Variants in PRUNE2 observed in about 807,000 individuals in gnomAD.
PRUNE2 encodes the protein protein prune homolog 2.
A neutral mutation model predicts 252.0 loss-of-function variants in PRUNE2; 164 were observed. The observed-to-expected ratio is 0.65, with a 90% CI of 0.57 to 0.74. The LOEUF is 0.74. PRUNE2 is among the 30% of genes least tolerant of loss of function. PRUNE2 has a pLI of 0.00. For synonymous variants in PRUNE2, 1,292 were observed against 1,350.2 expected, an observed-to-expected ratio of 0.96 and a Z score of 0.94; for missense variants, 3,495 against 3,711.0, an observed-to-expected ratio of 0.94 and a Z score of 1.51.
chr9:76,779,926 T>C (rs2054189368), intron 6 of PRUNE2: 1 of 152,228 alleles, frequency 6.6e-6, no homozygotes. Context: ...GCATAAGGGC[T>C]GCTGGTAAAA....
At chr9:76,801,485 C>T (rs537518379) in intron 6 of PRUNE2, among the ~76,000 whole-genome samples, 11 of 151,724 alleles carry the variant, frequency 7.3e-5, no homozygotes, top group African/African-American at 2.7e-4. Flanking sequence ...TTCTACTGGG[C>T]CTTTTTTTTG....
rs745920325 is a variant in PRUNE2, at chr9:76,705,169, G to C, written c.7105C>G (p.Pro2369Ala). 2 of 1,613,944 alleles carry C rather than the reference G, an allele frequency of 1.2e-6. No individual in the cohort carries two copies. Among genetic ancestry groups the C allele is most frequent in the Non-Finnish European group, 1.7e-6 (2 of 1,179,884 alleles). The part of the protein sequence containing the change: ...QNIDEDLLRE[P>A]EHFLYGGDPP... The stretch of plus-strand genomic sequence containing the variant: ...TCACCACCATACAGGAAGTGTTCAG[G>C]CTCTCTCAGTAAATCTTCATCGATA... The change falls in exon 8 of 19, where the codon CCT (proline) becomes GCT (alanine). Residue 2369 changes from proline to alanine, a missense_variant. Pro to Ala is a conservative substitution (Grantham distance 27, BLOSUM62 -1). Transcript: ENST00000376718.
chr9:76,795,692 C>A lies in PRUNE2; in HGVS notation c.756+27940G>T, dbSNP rs12006156. ...GAGATAAATGCAAATATTTTGTTCA[C>A]CGTAAAAATACAGAATTTTATTGAC... is the stretch of plus-strand genomic sequence containing the variant. On this transcript the variant is annotated intron_variant, in intron 6 of 18. Coordinates refer to ENST00000376718, the MANE Select transcript of PRUNE2 (RefSeq NM_015225.3). Among the ~76,000 whole-genome samples the A allele has an allele frequency of 4.6e-5, 7 of 152,214 alleles. No individual in the cohort carries two copies. In the South Asian group the frequency reaches 1.2e-3, roughly 27 times the overall value.
At chr9:76,730,561 T>C (rs1279151507) in intron 6 of PRUNE2, among the ~76,000 whole-genome samples, 1 of 152,034 alleles carries the variant, frequency 6.6e-6, no homozygotes, top group Non-Finnish European at 1.5e-5. Flanking sequence ...TATTAACCAA[T>C]GCTACCAGAA....
chr9:76,705,183 T>A lies in PRUNE2; in HGVS notation c.7091A>T (p.Asp2364Val), dbSNP rs199530613. 2 of 1,613,956 alleles carry A rather than the reference T, an allele frequency of 1.2e-6. No homozygotes were observed. Among genetic ancestry groups the A allele is most frequent in the Non-Finnish European group, 1.7e-6 (2 of 1,179,874 alleles). Residue 2364 changes from aspartate (D) to valine (V), a missense_variant, in exon 8 of 19, where the codon GAT (aspartate) becomes GTT (valine). Transcript: ENST00000376718. ...YDVMGQNIDE[D>V]LLREPEHFLY... ...GAAGTGTTCAGGCTCTCTCAGTAAA[T>A]CTTCATCGATATTCTGGCCCATTAC...
chr9:76,827,768 T>A (rs901089751), intron 4 of PRUNE2, among the ~76,000 whole-genome samples: 2 of 152,190 alleles, frequency 1.3e-5, no homozygotes, highest in African/African-American at 4.8e-5. Context: ...CCATCAAACA[T>A]GCTGGAAAGT....
At chr9:76,723,750 G>GA (rs1398267261) in intron 6 of PRUNE2, among the ~76,000 whole-genome samples, 1 of 151,884 alleles carries the variant, frequency 6.6e-6, no homozygotes, top group Non-Finnish European at 1.5e-5. Flanking sequence ...ATTGAAAACT[G>GA]AAAATCACTG....
chr9:76,769,404 T>G (rs906986440), intron 6 of PRUNE2, among the ~76,000 whole-genome samples: 6 of 152,186 alleles, frequency 3.9e-5, no homozygotes, highest in Admixed American at 2.0e-4. Flanking sequence ...TGATGGACAT[T>G]AAGGTTGCTT....
chr9:76,889,478 G>A (rs1479749703), intron 1 of PRUNE2, among the ~76,000 whole-genome samples: 1 of 151,864 alleles, frequency 6.6e-6, no homozygotes, highest in African/African-American at 2.4e-5. Flanking sequence ...ACACCACTAA[G>A]CCCAGCTACT....
chr9:76,812,240 C>G (rs2057403544), intron 6 of PRUNE2, among the ~76,000 whole-genome samples: 1 of 152,226 alleles, frequency 6.6e-6, no homozygotes, highest in Middle Eastern at 3.4e-3. Context: ...TGCATGATGA[C>G]CAACAAAGGG....
At chr9:76,803,023 G>A (rs1488518898) in intron 6 of PRUNE2, among the ~76,000 whole-genome samples, 13 of 151,926 alleles carry the variant, frequency 8.6e-5, no homozygotes, top group Admixed American at 8.5e-4. Context: ...AGGAACATAA[G>A]CAAACCCACA....
chr9:76,727,514 G>C (rs1196935458), intron 6 of PRUNE2, among the ~76,000 whole-genome samples: 1 of 151,870 alleles, frequency 6.6e-6, no homozygotes, highest in Non-Finnish European at 1.5e-5. Context: ...ACCAAGCTTC[G>C]ATTCTCTTAA....
At position 76,705,797 on chromosome 9, in the gene PRUNE2, T is replaced by C; in HGVS notation, c.6477A>G (p.Glu2159=). ...GCACAGTTGCGTTTTCAGAATCGAG[T>C]TCTGCATTGGATGGGACAAACTCCC... ...PGREFVPSNA[E]LDSENATVLP... is the part of the protein sequence containing the mutation. Residue 2159 remains glutamate (E), a synonymous_variant, in exon 8 of 19, where the codon GAA becomes GAG. Transcript: ENST00000376718. The C allele has an allele frequency of 6.2e-7, 1 of 1,613,776 alleles. No homozygotes were observed. Among genetic ancestry groups the C allele is most frequent in the Non-Finnish European group, 8.5e-7 (1 of 1,179,876 alleles).
chr9:76,626,635 G>GA (rs1411352069), intron 16 of PRUNE2, among the ~76,000 whole-genome samples: 1 of 152,174 alleles, frequency 6.6e-6, no homozygotes, highest in African/African-American at 2.4e-5. Context: ...GCAGTTGAAT[G>GA]AAAAATGTCC....
intron 6 of PRUNE2, among the ~76,000 whole-genome samples, chr9:76,800,263 A>G (rs2056460209): frequency 6.9e-6 from 1 of 145,468 alleles, no homozygotes; most frequent in Non-Finnish European, 1.5e-5. Context: ...AAGTGTTCTC[A>G]TTGTTCAATT....
intron 9 of PRUNE2, among the ~76,000 whole-genome samples, chr9:76,688,219 C>A (rs1218440717): frequency 6.6e-6 from 1 of 152,140 alleles, no homozygotes; most frequent in East Asian, 1.9e-4. Context: ...AATAGGTACA[C>A]CTCAGTAGAT....
intron 17 of PRUNE2, among the ~76,000 whole-genome samples, chr9:76,624,112 T>C (rs1833633984): frequency 6.6e-6 from 1 of 152,198 alleles, no homozygotes. Flanking sequence ...TATGAATTAG[T>C]GAGGTTCTGT....
rs774239000 is a variant in PRUNE2 at position 76,637,447 on chromosome 9, C to T, written c.8934G>A (p.Met2978Ile). ...TGTCAATCATCTGGTAGCATTTCTTCATCCAGCCTAGCCCTGGCATCCTCC... is the reference window on the plus strand; with the variant it reads ...TGTCAATCATCTGGTAGCATTTCTTTATCCAGCCTAGCCCTGGCATCCTCC... ...PRRRMPGLGW[M>I]KKCYQMIDRR... Residue 2978 changes from methionine to isoleucine, a missense_variant, in exon 14 of 19, where the codon ATG becomes ATA. By Grantham distance (10) the Met-to-Ile change is conservative. Transcript: ENST00000376718. 7.4e-6 allele frequency: 12 copies of T among 1,613,594 alleles called. No homozygotes were observed. The highest frequency in any genetic ancestry group is 2.2e-5 in the South Asian group (2 of 91,084).
At chr9:76,693,625 G>A (rs1655105359) in intron 9 of PRUNE2, among the ~76,000 whole-genome samples, 1 of 151,866 alleles carries the variant, frequency 6.6e-6, no homozygotes, top group South Asian at 2.1e-4. Context: ...TGTATTTTTA[G>A]TGGAGACGGG....
Sources: gnomAD v4.1 joint callset for allele counts (sites outside exome capture counted in the v4.1 genomes callset) on GRCh38, gnomAD v4.1.1 for gene constraint, MANE v1.5 for transcripts, NCBI Gene and HGNC (gene_info 2026-07-23, HGNC 2026-07-21) for gene names.